MACROD2: variants seen among roughly 807,000 people sequenced by gnomAD.
MACROD2 encodes the protein ADP-ribose glycohydrolase MACROD2.
MACROD2 carries 36 observed loss-of-function variants against 70.4 expected under a neutral mutation model. The observed-to-expected ratio is 0.51, with a 90% CI of 0.39 to 0.68. The LOEUF is 0.68. Ranked by LOEUF, MACROD2 falls within the 30% of genes least tolerant of loss-of-function variation. The probability of loss-of-function intolerance (pLI) is 0.00; values close to 1 mark genes in which losing one functional copy is unlikely to be tolerated. For missense variants in MACROD2, 496 were observed against 538.4 expected (o/e 0.92, Z 0.78); for synonymous variants, 172 against 178.8 (o/e 0.96, Z 0.30).
intron 8 of MACROD2, among the ~76,000 whole-genome samples, chr20:15,715,839 AT>A (rs2050700496): frequency 6.6e-6 from 1 of 152,144 alleles, no homozygotes; most frequent in South Asian, 2.1e-4. Flanking sequence ...CATCTTCGCC[AT>A]CTTTGGAGGT....
chr20:14,135,691 C>T (rs939118229), intron 3 of MACROD2, among the ~76,000 whole-genome samples: 2 of 151,990 alleles, frequency 1.3e-5, no homozygotes, highest in African/African-American at 4.8e-5. Flanking sequence ...AAAGAAAAAC[C>T]ATATATTCCT....
At chr20:15,063,923 T>C (rs1253747743) in intron 5 of MACROD2, among the ~76,000 whole-genome samples, 2 of 152,176 alleles carry the variant, frequency 1.3e-5, no homozygotes, top group Non-Finnish European at 1.5e-5. Context: ...TAGCCATGAT[T>C]TGATTTCCAA....
chr20:15,093,708 T>C (rs1190144914), intron 5 of MACROD2, among the ~76,000 whole-genome samples: 1 of 152,212 alleles, frequency 6.6e-6, no homozygotes, highest in African/African-American at 2.4e-5. Flanking sequence ...CTAATATTCA[T>C]TCTGATGACA....
intron 10 of MACROD2, among the ~76,000 whole-genome samples, chr20:15,905,130 T>C (rs954130481): frequency 1.3e-5 from 2 of 152,206 alleles, no homozygotes; most frequent in Non-Finnish European, 2.9e-5. Flanking sequence ...TATGAGCTCT[T>C]TTCTTCATGC....
At chr20:14,792,608 G>C (rs933883593) in intron 5 of MACROD2, among the ~76,000 whole-genome samples, 3 of 152,062 alleles carry the variant, frequency 2.0e-5, no homozygotes, top group African/African-American at 7.3e-5. Context: ...CAGCTCTATA[G>C]AGTCATTAGG....
intron 5 of MACROD2, among the ~76,000 whole-genome samples, chr20:14,776,174 C>T (rs139948175): frequency 2.0e-5 from 3 of 152,096 alleles, no homozygotes; most frequent in East Asian, 3.9e-4. Flanking sequence ...AGCAAACCAT[C>T]GCCCTCTCAT....
chr20:15,227,086 T>C (rs2076913275), intron 5 of MACROD2, among the ~76,000 whole-genome samples: 1 of 152,170 alleles, frequency 6.6e-6, no homozygotes, highest in Admixed American at 6.5e-5. Flanking sequence ...GATAATAACA[T>C]TCGATCTTGG....
At chr20:14,426,043 T>C (rs1357388707) in intron 3 of MACROD2, among the ~76,000 whole-genome samples, 1 of 152,222 alleles carries the variant, frequency 6.6e-6, no homozygotes, top group Non-Finnish European at 1.5e-5. Flanking sequence ...GAAATTTCTC[T>C]ATAATGTGCT....
At chr20:14,016,631 C>A (rs2052996198) in intron 2 of MACROD2, among the ~76,000 whole-genome samples, 1 of 151,942 alleles carries the variant, frequency 6.6e-6, no homozygotes, top group South Asian at 2.1e-4. Context: ...CCAGTATTTG[C>A]TGTTGAAAAG....
At chr20:14,752,850 C>A (rs562153218) in intron 5 of MACROD2, among the ~76,000 whole-genome samples, 1 of 152,146 alleles carries the variant, frequency 6.6e-6, no homozygotes, top group South Asian at 2.1e-4. Flanking sequence ...GAGGAAAAAA[C>A]AAAATAACAC....
At chr20:15,139,495 C>A (rs1422521135) in intron 5 of MACROD2, among the ~76,000 whole-genome samples, 2 of 152,096 alleles carry the variant, frequency 1.3e-5, no homozygotes, top group Non-Finnish European at 2.9e-5. Flanking sequence ...TGCGTAACTG[C>A]TTTATTGCCG....
chr20:14,846,129 T>C (rs529045108), intron 5 of MACROD2, among the ~76,000 whole-genome samples: 1 of 152,304 alleles, frequency 6.6e-6, no homozygotes, highest in African/African-American at 2.4e-5. Context: ...ATTTTTGGTG[T>C]AGTCAAGAAT....
intron 8 of MACROD2, among the ~76,000 whole-genome samples, chr20:15,647,657 T>C (rs1363683186): frequency 6.6e-6 from 1 of 152,014 alleles, no homozygotes; most frequent in East Asian, 1.9e-4. Flanking sequence ...ATTATTTTAC[T>C]GATAGGGTCT....
At chr20:15,755,316 T>C (rs962091040) in intron 8 of MACROD2, among the ~76,000 whole-genome samples, 4 of 152,134 alleles carry the variant, frequency 2.6e-5, no homozygotes, top group Admixed American at 6.5e-5. Flanking sequence ...GAGTCCTGAG[T>C]GTGTAGAACA....
chr20:15,912,819 A>T (rs2065256492), intron 10 of MACROD2, among the ~76,000 whole-genome samples: 1 of 152,236 alleles, frequency 6.6e-6, no homozygotes, highest in Admixed American at 6.5e-5. Flanking sequence ...AACTTAATTA[A>T]ATTTTAATTA....
At chr20:15,525,098 A>G (rs1044888021) in intron 8 of MACROD2, among the ~76,000 whole-genome samples, 4 of 152,198 alleles carry the variant, frequency 2.6e-5, no homozygotes, top group South Asian at 4.1e-4. Flanking sequence ...AAAATATCTC[A>G]GCATTCGGCC....
At chr20:14,279,653 G>A (rs980747212) in intron 3 of MACROD2, among the ~76,000 whole-genome samples, 2 of 152,110 alleles carry the variant, frequency 1.3e-5, no homozygotes, top group Admixed American at 6.6e-5. Flanking sequence ...GGCAGGATTT[G>A]AATGACAAAG....
At chr20:14,549,219 A>G (rs193277851) in intron 4 of MACROD2, among the ~76,000 whole-genome samples, 45 of 152,310 alleles carry the variant, frequency 3.0e-4, no homozygotes, top group African/African-American at 1.1e-3. Flanking sequence ...TAATGAGTTT[A>G]TAGGCTGGGC....
chr20:15,542,726 G>A lies in MACROD2; in HGVS notation c.645+42879G>A, dbSNP rs2047974125. The stretch of plus-strand genomic sequence containing the variant: ...GTTCTCACAATATTTACTATTGTAA[G>A]CTTCATCAAACAGCCAAGTGATTTC... On this transcript the variant is annotated intron_variant, in intron 8 of 17. Coordinates refer to ENST00000684519, the MANE Select transcript of MACROD2 (RefSeq NM_001351661.2). 3.3e-5 allele frequency among the ~76,000 whole-genome samples: 5 copies of A among 152,300 alleles called. No individual in the cohort carries two copies. In the South Asian group the frequency reaches 1.0e-3, roughly 32 times the overall value.
Sources: gnomAD v4.1 joint callset for allele counts (sites outside exome capture counted in the v4.1 genomes callset) on GRCh38, gnomAD v4.1.1 for gene constraint, MANE v1.5 for transcripts, NCBI Gene and HGNC (gene_info 2026-07-23, HGNC 2026-07-21) for gene names.